The following ANAPC1 variants were observed in gnomAD, a reference collection of about 807,000 sequenced individuals.
The protein encoded by ANAPC1 is anaphase-promoting complex subunit 1.
In ANAPC1, 36 loss-of-function variants were observed where a neutral mutation model predicts 208.0. That is an observed-to-expected ratio of 0.17 (90% CI 0.13 to 0.23). ANAPC1 has a LOEUF of 0.23. Ranked by LOEUF, ANAPC1 falls within the 10% of genes least tolerant of loss-of-function variation. The pLI is 1.00. For missense variants in ANAPC1, 942 were observed against 2,011.6 expected, an observed-to-expected ratio of 0.47 and a Z score of 10.17; for synonymous variants, 378 against 695.2, an observed-to-expected ratio of 0.54 and a Z score of 7.18.
At chr2:111,846,364 G>A (rs1298828300) in intron 16 of ANAPC1, among the ~76,000 whole-genome samples, 1 of 150,498 alleles carries the variant, frequency 6.6e-6, no homozygotes, top group Non-Finnish European at 1.5e-5. Flanking sequence ...AAGGCAATTA[G>A]GTTACTTTCA....
intron 16 of ANAPC1, among the ~76,000 whole-genome samples, chr2:111,846,559 A>ATATATATTT (rs1553430004): frequency 1.1e-4 from 5 of 46,268 alleles, no homozygotes; most frequent in African/African-American, 4.0e-4. Flanking sequence ...ATATATATAT[A>ATATATATTT]TTTTTTTTTT....
intron 17 of ANAPC1, among the ~76,000 whole-genome samples, chr2:111,843,102 T>C (rs922944077): frequency 6.6e-6 from 1 of 152,202 alleles, no homozygotes; most frequent in Non-Finnish European, 1.5e-5. Context: ...TGTGATCCAG[T>C]TTCTTCATCA....
chr2:111,801,727 A>G (rs1678453365), intron 33 of ANAPC1, among the ~76,000 whole-genome samples: 1 of 151,266 alleles, frequency 6.6e-6, no homozygotes, highest in South Asian at 2.1e-4. Context: ...TCATTAAAAT[A>G]AAGATTTAAA....
chr2:111,872,964 A>C lies in ANAPC1; in HGVS notation c.529-252T>G, dbSNP rs1682833861. The stretch of plus-strand genomic sequence containing the variant: ...TGGCCAGGATCAGTAACAAAATGAC[A>C]ATGTGTTAACAATAGCCCTAGGCAT... On this transcript the variant is annotated intron_variant, in intron 5 of 47. Coordinates refer to ENST00000341068, the MANE Select transcript of ANAPC1 (RefSeq NM_022662.4). 5.7e-6 allele frequency: 3 copies of C among 525,680 alleles called. No individual in the cohort carries two copies. The East Asian group carries it at 9.9e-5, about 17-fold the overall frequency. 32.6% of individuals were successfully genotyped at this position (525,680 alleles called of 1,614,324 possible). A position where few individuals can be genotyped will look rare whatever the true frequency, so the allele number is the denominator to read the frequency against.
At chr2:111,835,595 T>C (rs1171207511) in intron 18 of ANAPC1, among the ~76,000 whole-genome samples, 4 of 152,096 alleles carry the variant, frequency 2.6e-5, no homozygotes, top group Non-Finnish European at 4.4e-5. Flanking sequence ...TCCCAGCACT[T>C]TGGGAGGCCG....
rs1430731994 is a variant in ANAPC1 at position 111,884,162 on chromosome 2, G to C, written c.-245C>G. 1 of 152,302 alleles carries C rather than the reference G, an allele frequency of 6.6e-6. No individual in the cohort carries two copies. Among genetic ancestry groups the C allele is most frequent in the Non-Finnish European group, 1.5e-5 (1 of 68,106 alleles). 9.4% of individuals were successfully genotyped at this position (152,302 alleles called of 1,614,324 possible). A position where few individuals can be genotyped will look rare whatever the true frequency, so the allele number is the denominator to read the frequency against. Reference sequence around the variant, plus strand: ...AGGCGTGCGAGACGTTCAAATGGACGCGTCCATCTTGACTTTCCCGTCTTG... The same window carrying C: ...AGGCGTGCGAGACGTTCAAATGGACCCGTCCATCTTGACTTTCCCGTCTTG... On this transcript the variant is annotated 5_prime_UTR_variant, in exon 1 of 48. Transcript: ENST00000341068.
chr2:111,823,000 CTTTTTTTTTTTTTT>C (rs58815496), intron 24 of ANAPC1, among the ~76,000 whole-genome samples: 5 of 61,312 alleles, frequency 8.2e-5, no homozygotes, highest in East Asian at 5.3e-4. Context: ...TCTTTTTATT[CTTTTTTTTTTTTTT>C]TTTTTTTTTT....
At chr2:111,778,538 G>GT (rs1311531191) in intron 45 of ANAPC1, 137 bp downstream of exon 45, 292 of 594,380 alleles carry the variant, frequency 4.9e-4, no homozygotes, top group Non-Finnish European at 6.9e-4. Flanking sequence ...ATTTTATATG[G>GT]TTTCCTTTCT....
intron 10 of ANAPC1, among the ~76,000 whole-genome samples, chr2:111,859,468 T>C (rs542980990): frequency 6.7e-6 from 1 of 148,966 alleles, no homozygotes; most frequent in South Asian, 2.1e-4. Context: ...CGAAACTCTA[T>C]CTCAATAAAT....
chr2:111,865,142 T>C (rs1682336449), intron 7 of ANAPC1, among the ~76,000 whole-genome samples, 191 bp from the exon 8 acceptor site: 1 of 151,684 alleles, frequency 6.6e-6, no homozygotes, highest in African/African-American at 2.4e-5. Flanking sequence ...TTCCTTAAAA[T>C]ACATTAAAGA....
At chr2:111,797,021 T>C (rs1456713492) in intron 34 of ANAPC1, among the ~76,000 whole-genome samples, 5 of 151,828 alleles carry the variant, frequency 3.3e-5, no homozygotes, top group Non-Finnish European at 5.9e-5. Context: ...TTTTGTGTTT[T>C]TTTGTTTGTT....
At chr2:111,882,353 C>T (rs1683348240) in intron 1 of ANAPC1, among the ~76,000 whole-genome samples, 1 of 152,110 alleles carries the variant, frequency 6.6e-6, no homozygotes, top group South Asian at 2.1e-4. Flanking sequence ...GGCAAGAATC[C>T]TATATGGTTA....
At chr2:111,792,175 T>A (rs201139301) in intron 38 of ANAPC1, among the ~76,000 whole-genome samples, 187 bp downstream of exon 38, 25,225 of 148,992 alleles carry the variant, frequency 0.17, 2,183 homozygotes, top group Admixed American at 0.19. Flanking sequence ...GGATGGTAAT[T>A]CTACTGAGTA....
In ANAPC1 at chr2:111,782,487, C is replaced by A; in HGVS notation, c.5084G>T (p.Gly1695Val). 1 of 1,613,624 alleles carries A rather than the reference C, an allele frequency of 6.2e-7. No individual in the cohort carries two copies. Among genetic ancestry groups the A allele is most frequent in the South Asian group, 1.1e-5 (1 of 91,048 alleles). The change falls in exon 43 of 48, where the codon GGG becomes GTG. Residue 1695 changes from glycine (G) to valine (V), a missense_variant. Transcript: ENST00000341068. Reference protein sequence around the residue: ...QHLKSILSKDGVLYVKLRAGQ... With the variant: ...QHLKSILSKDVVLYVKLRAGQ... Reference sequence around the variant, plus strand: ...CGCCCGGAGTTTAACATATAAAACCCCATCCTTGGAAAGGATGGACCTGAA... The same window carrying A: ...CGCCCGGAGTTTAACATATAAAACCACATCCTTGGAAAGGATGGACCTGAA...
At chr2:111,774,815 T>C (rs1256125601) in intron 46 of ANAPC1, among the ~76,000 whole-genome samples, 1 of 111,244 alleles carries the variant, frequency 9.0e-6, no homozygotes, top group Non-Finnish European at 1.8e-5. Flanking sequence ...ACTATTAAAA[T>C]TGGTGTTGTG....
At chr2:111,823,900 G>T (rs1679682787) in intron 24 of ANAPC1, among the ~76,000 whole-genome samples, 1 of 147,084 alleles carries the variant, frequency 6.8e-6, no homozygotes, top group Non-Finnish European at 1.5e-5. Flanking sequence ...CTAGGGGTGG[G>T]TGACCAGTAC....
At chr2:111,837,961 T>C (rs1364748262) in intron 18 of ANAPC1, among the ~76,000 whole-genome samples, 1 of 151,764 alleles carries the variant, frequency 6.6e-6, no homozygotes, top group Admixed American at 6.6e-5. Flanking sequence ...GGCGGGCGCC[T>C]GTAATCCCAG....
At chr2:111,840,172 T>A (rs567135155) in intron 17 of ANAPC1, among the ~76,000 whole-genome samples, 10 of 150,422 alleles carry the variant, frequency 6.6e-5, no homozygotes, top group African/African-American at 2.4e-4. Flanking sequence ...AGTGCACTCA[T>A]GTAACACATC....
intron 8 of ANAPC1, among the ~76,000 whole-genome samples, chr2:111,864,163 C>CA (rs1172244662): frequency 6.6e-6 from 1 of 151,812 alleles, no homozygotes; most frequent in African/African-American, 2.4e-5. Context: ...CCCATCTCTA[C>CA]AAAAAATTAA....
Sources: allele counts gnomAD v4.1 joint callset (sites outside exome capture counted in the v4.1 genomes callset), GRCh38; gene constraint gnomAD v4.1.1; transcripts MANE v1.5; gene names NCBI Gene and HGNC (gene_info 2026-07-23, HGNC 2026-07-21).